PRKG1: variants seen among roughly 807,000 people sequenced by gnomAD.
PRKG1 encodes the protein protein kinase cGMP-dependent 1.
PRKG1 carries 35 observed loss-of-function variants against 88.1 expected under a neutral mutation model. The ratio of observed to expected loss-of-function variants is 0.40; its 90% CI spans 0.30 to 0.53. The LOEUF (loss-of-function observed/expected upper bound fraction) is 0.53. Ranked by LOEUF, PRKG1 falls within the 20% of genes least tolerant of loss-of-function variation. The pLI, the probability that PRKG1 is intolerant of heterozygous loss-of-function variation, is 0.59. For synonymous variants in PRKG1, 303 were observed against 292.5 expected (o/e 1.04, Z -0.37); for missense variants, 540 against 839.8 (o/e 0.64, Z 4.41).
intron 4 of PRKG1, among the ~76,000 whole-genome samples, chr10:51,842,923 C>A (rs1190936777): frequency 6.6e-6 from 1 of 151,720 alleles, no homozygotes; most frequent in African/African-American, 2.4e-5. Context: ...AAATGTGAAA[C>A]AATTTTCTAT....
chr10:52,291,124 T>C (rs1025619346), intron 17 of PRKG1, among the ~76,000 whole-genome samples: 1 of 151,916 alleles, frequency 6.6e-6, no homozygotes, highest in Non-Finnish European at 1.5e-5. Flanking sequence ...AGTTTCACCA[T>C]GTTGGCCAGG....
At chr10:52,118,707 TG>T (rs1847746222) in intron 7 of PRKG1, among the ~76,000 whole-genome samples, 1 of 152,080 alleles carries the variant, frequency 6.6e-6, no homozygotes, top group Admixed American at 6.6e-5. Context: ...TCTTTACAGT[TG>T]TTTCCTCTGC....
chr10:52,266,384 C>T (rs560078097), intron 10 of PRKG1, among the ~76,000 whole-genome samples: 17 of 151,926 alleles, frequency 1.1e-4, no homozygotes, highest in South Asian at 2.1e-4. Context: ...AGCTCTCCCC[C>T]GACAGACCCC....
Position 52,294,621 on chromosome 10 carries a change from T to G in PRKG1, c.*721T>G, listed in dbSNP as rs1461173268. 6.8e-6 allele frequency: 1 copy of G among 147,854 alleles called. No individual in the cohort carries two copies. The highest frequency in any genetic ancestry group is 1.5e-5 in the Non-Finnish European group (1 of 64,902). The allele number at this position is 147,854 out of a possible 1,614,324, so 9.2% of individuals were successfully genotyped here. On this transcript the variant is annotated 3_prime_UTR_variant, in exon 18 of 18. Transcript: ENST00000373980. The stretch of plus-strand genomic sequence containing the variant: ...AAAAATAATGCATGATATTTGTTTG[T>G]TTTTTTTGATAAATTGGCATGACAG...
chr10:51,055,252 A>G (rs956539146), intron 1 of PRKG1, among the ~76,000 whole-genome samples: 5 of 152,090 alleles, frequency 3.3e-5, no homozygotes, highest in East Asian at 1.9e-4. Context: ...CTTCATGTCT[A>G]TTGTTCCGGC....
At chr10:51,628,461 C>T (rs578066540) in intron 3 of PRKG1, among the ~76,000 whole-genome samples, 22 of 152,052 alleles carry the variant, frequency 1.4e-4, no homozygotes, top group African/African-American at 4.3e-4. Context: ...CTACCCCCAG[C>T]CTGGTCTTGT....
chr10:51,692,485 T>C (rs67928122), intron 3 of PRKG1, among the ~76,000 whole-genome samples: 33,230 of 151,994 alleles, frequency 0.22, 4,525 homozygotes, highest in African/African-American at 0.39. Context: ...CCATGTGATC[T>C]GCCCACCTCT....
chr10:51,916,017 G>A (rs1000437225), intron 5 of PRKG1, among the ~76,000 whole-genome samples: 1 of 152,098 alleles, frequency 6.6e-6, no homozygotes, highest in African/African-American at 2.4e-5. Flanking sequence ...ATTGGAAAAT[G>A]GTGTGCCTTC....
intron 9 of PRKG1, among the ~76,000 whole-genome samples, chr10:52,245,754 TTTA>T (rs1564530733): frequency 8.4e-4 from 4 of 4,786 alleles, no homozygotes; most frequent in South Asian, 8.8e-3. Context: ...CACCATTTTA[TTTA>T]TTTATTTATT....
At chr10:51,699,513 G>T in intron 3 of PRKG1, 1 of 1,612,734 alleles carries the variant, frequency 6.2e-7, no homozygotes, top group Non-Finnish European at 8.5e-7. Flanking sequence ...CGCAGTGATC[G>T]ATCCATTGCC....
chr10:51,232,730 T>C (rs527636235), intron 2 of PRKG1, among the ~76,000 whole-genome samples: 1 of 152,254 alleles, frequency 6.6e-6, no homozygotes, highest in Admixed American at 6.5e-5. Flanking sequence ...ATGTTTAAAA[T>C]TGAGTGCAAA....
chr10:51,528,531 T>C (rs112276573), intron 3 of PRKG1, among the ~76,000 whole-genome samples: 61 of 151,830 alleles, frequency 4.0e-4, no homozygotes, highest in African/African-American at 1.5e-3. Flanking sequence ...TTAGGTTTCC[T>C]GTTTCCTGTC....
intron 2 of PRKG1, among the ~76,000 whole-genome samples, chr10:51,429,687 AT>A (rs1838700914): frequency 6.6e-6 from 1 of 152,144 alleles, no homozygotes; most frequent in East Asian, 1.9e-4. Context: ...GTATAATTAA[AT>A]GAAATATTCA....
At chr10:51,698,927 A>G in intron 3 of PRKG1, 1 of 1,614,214 alleles carries the variant, frequency 6.2e-7, no homozygotes, top group Non-Finnish European at 8.5e-7. Flanking sequence ...AGAGACAGAC[A>G]CAGACTGAGA....
Position 51,629,095 on chromosome 10 carries a change from G to C in PRKG1, c.592+161259G>C, listed in dbSNP as rs571728558. Among the ~76,000 whole-genome samples the C allele has an allele frequency of 2.0e-5, 3 of 152,286 alleles. No homozygotes were observed. In the East Asian group the frequency reaches 5.8e-4, roughly 29 times the overall value. ...TAGAAAGGATCATAGTTGAAAATAT[G>C]GGGTGTGGAGGAATAGGTAAGAGTA... On this transcript the variant is annotated intron_variant, in intron 3 of 17. Coordinates refer to ENST00000373980, the MANE Select transcript of PRKG1 (RefSeq NM_006258.4).
chr10:51,346,179 T>C (rs899046278), intron 2 of PRKG1, among the ~76,000 whole-genome samples: 1 of 152,198 alleles, frequency 6.6e-6, no homozygotes, highest in Admixed American at 6.5e-5. Flanking sequence ...TCGTTGATGA[T>C]CATTGTGGAA....
chr10:51,396,886 G>A (rs1837590603), intron 2 of PRKG1, among the ~76,000 whole-genome samples: 1 of 152,120 alleles, frequency 6.6e-6, no homozygotes, highest in South Asian at 2.1e-4. Flanking sequence ...TTAAGGGGGT[G>A]CCAAAGACTC....
intron 2 of PRKG1, among the ~76,000 whole-genome samples, chr10:51,297,312 G>T (rs1056633555): frequency 1.3e-5 from 2 of 152,090 alleles, no homozygotes; most frequent in African/African-American, 2.4e-5. Context: ...TGGTGAACCT[G>T]TGGGTGTTCA....
chr10:52,171,786 A>ATTTTTTTTTTTTT lies in PRKG1; in HGVS notation c.1076+9838_1076+9850dup, dbSNP rs545195374. Among the ~76,000 whole-genome samples the ATTTTTTTTTTTTT allele has an allele frequency of 3.4e-4, 32 of 93,858 alleles. 2 individuals are homozygous for ATTTTTTTTTTTTT. The highest frequency in any genetic ancestry group is 1.3e-3 in the African/African-American group (31 of 23,448). The allele number at this position is 93,858 out of a possible 152,430, so 61.6% of individuals were successfully genotyped here. A position where few individuals can be genotyped will look rare whatever the true frequency, so the allele number is the denominator to read the frequency against. On this transcript the variant is annotated intron_variant, in intron 9 of 17. Transcript: ENST00000373980. Reference sequence around the variant, plus strand: ...ATAGAAGTATTTTTCTTTTATCAAAATTTTTTTTTTTTTTTTTTTTTTTTT... The same window carrying ATTTTTTTTTTTTT: ...ATAGAAGTATTTTTCTTTTATCAAAATTTTTTTTTTTTTTTTTTTTTTTTTTTTTTTTTTTTTT...
Sources: gnomAD v4.1 joint callset for allele counts (sites outside exome capture counted in the v4.1 genomes callset) on GRCh38, gnomAD v4.1.1 for gene constraint, MANE v1.5 for transcripts, NCBI Gene and HGNC (gene_info 2026-07-23, HGNC 2026-07-21) for gene names.